CALN1: variants seen among roughly 807,000 people sequenced by gnomAD.
CALN1 encodes calcium-binding protein 8.
CALN1 carries 17 observed loss-of-function variants against 30.6 expected under a neutral mutation model. The ratio of observed to expected loss-of-function variants is 0.56; its 90% CI spans 0.38 to 0.83. The LOEUF (loss-of-function observed/expected upper bound fraction) is 0.83, where lower values mean the gene tolerates loss of function less well. CALN1 is among the 40% of genes least tolerant of loss of function. The probability of loss-of-function intolerance (pLI) is 0.00; values close to 1 mark genes in which losing one functional copy is unlikely to be tolerated. For synonymous variants in CALN1, 156 were observed against 131.4 expected, an observed-to-expected ratio of 1.19 and a Z score of -1.28; for missense variants, 291 against 354.9, an observed-to-expected ratio of 0.82 and a Z score of 1.45.
At position 72,044,599 on chromosome 7, in the gene CALN1, C is replaced by CTTTT. The variant is rs549079139; in HGVS notation, c.389-20834_389-20831dup. On this transcript the variant is annotated intron_variant, in intron 4 of 6. Transcript: ENST00000395275. Reference sequence around the variant, plus strand: ...TTCAGAGAATAATTTCCGCTTAAAACTTTTTTTTTTTTTTTTTTTTTTTTT... The same window carrying CTTTT: ...TTCAGAGAATAATTTCCGCTTAAAACTTTTTTTTTTTTTTTTTTTTTTTTTTTTT... Among the ~76,000 whole-genome samples the CTTTT allele has an allele frequency of 6.0e-4, 58 of 96,682 alleles. 2 individuals are homozygous for CTTTT. The highest frequency in any genetic ancestry group is 1.3e-3 in the African/African-American group (32 of 24,464). The allele number at this position is 96,682 out of a possible 152,430, so 63.4% of individuals were successfully genotyped here. A position where few individuals can be genotyped will look rare whatever the true frequency, so the allele number is the denominator to read the frequency against.
intron 5 of CALN1, among the ~76,000 whole-genome samples, chr7:71,948,588 G>A (rs577287466): frequency 1.3e-5 from 2 of 152,146 alleles, no homozygotes; most frequent in East Asian, 1.9e-4. Flanking sequence ...AAATTAGCCA[G>A]GCATGGTGGT....
intron 6 of CALN1, among the ~76,000 whole-genome samples, chr7:71,810,004 C>T (rs1011900924): frequency 1.3e-5 from 2 of 152,030 alleles, no homozygotes; most frequent in African/African-American, 4.8e-5. Context: ...CCAAAATAGG[C>T]TCTTTGCACC....
chr7:72,087,905 G>A (rs1805587822), intron 4 of CALN1, among the ~76,000 whole-genome samples: 1 of 152,214 alleles, frequency 6.6e-6, no homozygotes, highest in Non-Finnish European at 1.5e-5. Flanking sequence ...GTGCACGCCT[G>A]TAATCCCAGC....
intron 4 of CALN1, among the ~76,000 whole-genome samples, chr7:72,037,926 C>T (rs905753008): frequency 6.6e-6 from 1 of 152,150 alleles, no homozygotes; most frequent in Non-Finnish European, 1.5e-5. Context: ...GTCTGGCTCC[C>T]CACAGGGGGA....
At chr7:72,061,615 CA>C (rs1234973690) in intron 4 of CALN1, among the ~76,000 whole-genome samples, 1 of 151,320 alleles carries the variant, frequency 6.6e-6, no homozygotes, top group Non-Finnish European at 1.5e-5. Flanking sequence ...GAAGATAGGT[CA>C]ATAAAAAATG....
chr7:72,487,889 G>T, the CALN1 span, among the ~76,000 whole-genome samples: 1 of 51,942 alleles, frequency 1.9e-5, no homozygotes, highest in African/African-American at 9.2e-5. Flanking sequence ...AGAAAGAAAA[G>T]AAAAGAAAGA....
intron 3 of CALN1, among the ~76,000 whole-genome samples, chr7:72,238,137 C>T (rs1334446069): frequency 1.3e-5 from 2 of 152,194 alleles, no homozygotes; most frequent in Non-Finnish European, 2.9e-5. Flanking sequence ...CCTTGGGAAA[C>T]ATTGCAATTG....
intron 5 of CALN1, among the ~76,000 whole-genome samples, chr7:72,016,569 T>C (rs928223062): frequency 6.6e-6 from 1 of 151,872 alleles, no homozygotes; most frequent in African/African-American, 2.4e-5. Flanking sequence ...CCCGAGTAGC[T>C]GGAACTACAG....
chr7:72,084,675 C>T (rs1223300634), intron 4 of CALN1, among the ~76,000 whole-genome samples: 2 of 151,940 alleles, frequency 1.3e-5, no homozygotes, highest in African/African-American at 4.8e-5. Context: ...AGATTTTTTT[C>T]AACAGGAACC....
intron 3 of CALN1, among the ~76,000 whole-genome samples, chr7:72,251,323 C>T (rs960570624): frequency 2.0e-5 from 3 of 152,158 alleles, no homozygotes; most frequent in Non-Finnish European, 2.9e-5. Context: ...TTTCATCCTT[C>T]AGGGCCCATC....
chr7:71,952,656 G>A lies in CALN1; in HGVS notation c.501+71001C>T, dbSNP rs542022862. Among the ~76,000 whole-genome samples, 58 of 147,318 alleles carry A rather than the reference G, an allele frequency of 3.9e-4. No homozygotes were observed. In the Middle Eastern group the frequency reaches 0.01, roughly 27 times the overall value. On this transcript the variant is annotated intron_variant, in intron 5 of 6. Coordinates refer to ENST00000395275, the MANE Select transcript of CALN1 (RefSeq NM_031468.4). The stretch of plus-strand genomic sequence containing the variant: ...AAGAAAGCTAGTGTAGATCGCTAGC[G>A]ATCTCAACTCATTCCTGGACTATTA...
Position 71,903,328 on chromosome 7 carries a change from C to A in CALN1, c.502-92836G>T, listed in dbSNP as rs180903897. Among the ~76,000 whole-genome samples, 146 of 152,134 alleles carry A rather than the reference C, an allele frequency of 9.6e-4. No homozygotes were observed. In the Middle Eastern group the frequency reaches 0.01, roughly 11 times the overall value. On this transcript the variant is annotated intron_variant, in intron 5 of 6. Transcript: ENST00000395275. ...TACTATGAAGCTATAGTAAACAAAG[C>A]AGTATGTTATTGGCATAAAAATAGA... is the stretch of plus-strand genomic sequence containing the variant.
At position 72,030,747 on chromosome 7, in the gene CALN1, A is replaced by AT. The variant is rs760388648; in HGVS notation, c.389-6979dup. ...CATGGTTTTTTAAAATACCCACACA[A>AT]TTTTTTTTTTTTTCTTAGAGGCAGG... On this transcript the variant is annotated intron_variant, in intron 4 of 6. Transcript: ENST00000395275. Among the ~76,000 whole-genome samples the AT allele has an allele frequency of 1.9e-3, 274 of 146,230 alleles. 1 individual carries two copies. Among genetic ancestry groups the AT allele is most frequent in the South Asian group, 0.011 (50 of 4,594 alleles).
chr7:72,289,943 T>A lies in CALN1; in HGVS notation c.120-11133A>T, dbSNP rs73129572. Among the ~76,000 whole-genome samples the A allele has an allele frequency of 4.8e-3, 725 of 150,962 alleles. 6 individuals are homozygous for A. The highest frequency in any genetic ancestry group is 8.3e-3 in the Non-Finnish European group (560 of 67,718). ...AAATAAAACAATTAGCCGGGCATAG[T>A]GGTATGTGCCTGTAGTCTTAGCTAC... On this transcript the variant is annotated intron_variant, in intron 2 of 6. Coordinates refer to ENST00000395275, the MANE Select transcript of CALN1 (RefSeq NM_031468.4).
upstream of CALN1, among the ~76,000 whole-genome samples, chr7:72,452,072 C>A (rs1808678186): frequency 6.6e-6 from 1 of 152,166 alleles, no homozygotes; most frequent in Non-Finnish European, 1.5e-5. Context: ...TATGCCAGCA[C>A]AGCAAAAGAC....
chr7:71,899,837 G>A (rs924466700), intron 5 of CALN1, among the ~76,000 whole-genome samples: 9 of 152,096 alleles, frequency 5.9e-5, no homozygotes, highest in African/African-American at 9.7e-5. Context: ...ACATTAAGAC[G>A]TTTGATTCTC....
chr7:71,839,552 C>G (rs1789816350), intron 5 of CALN1, among the ~76,000 whole-genome samples: 1 of 152,190 alleles, frequency 6.6e-6, no homozygotes. Context: ...CTGGTTATCA[C>G]TGCTGTATAA....
At chr7:72,346,067 C>G (rs1424735024) in intron 2 of CALN1, among the ~76,000 whole-genome samples, 2 of 152,116 alleles carry the variant, frequency 1.3e-5, no homozygotes, top group African/African-American at 2.4e-5. Context: ...AAATGAATGA[C>G]AAGATAAATT....
chr7:72,066,012 T>C (rs1201168747), intron 4 of CALN1, among the ~76,000 whole-genome samples: 1 of 152,256 alleles, frequency 6.6e-6, no homozygotes, highest in Non-Finnish European at 1.5e-5. Context: ...TTATTGATAG[T>C]CCCATCATTC....
Sources: gnomAD v4.1 joint callset for allele counts (sites outside exome capture counted in the v4.1 genomes callset) on GRCh38, gnomAD v4.1.1 for gene constraint, MANE v1.5 for transcripts, NCBI Gene and HGNC (gene_info 2026-07-23, HGNC 2026-07-21) for gene names.